GMDS: variants seen among roughly 807,000 people sequenced by gnomAD.
GMDS encodes GDP-mannose 4,6 dehydratase.
GMDS carries 20 observed loss-of-function variants against 49.9 expected under a neutral mutation model. The ratio of observed to expected loss-of-function variants is 0.40; its 90% CI spans 0.28 to 0.58. The LOEUF (loss-of-function observed/expected upper bound fraction) is 0.58. Among genes scored for constraint, GMDS ranks in the 20% least tolerant of loss-of-function variants. The pLI is 0.42. For synonymous variants in GMDS, 177 were observed against 178.6 expected (o/e 0.99, Z 0.07); for missense variants, 362 against 481.4 (o/e 0.75, Z 2.32).
At chr6:2,064,482 T>G (rs141465663) in intron 4 of GMDS, among the ~76,000 whole-genome samples, 1 of 152,302 alleles carries the variant, frequency 6.6e-6, no homozygotes, top group Non-Finnish European at 1.5e-5. Flanking sequence ...TTCCCATTGT[T>G]TTTGTCCCTG....
intron 4 of GMDS, among the ~76,000 whole-genome samples, chr6:2,097,954 C>T (rs1402024483): frequency 6.6e-6 from 1 of 151,708 alleles, no homozygotes; most frequent in African/African-American, 2.4e-5. Context: ...TTTCAAACTA[C>T]CAAAGCATGT....
At chr6:1,677,941 A>G (rs1764677100) in intron 9 of GMDS, among the ~76,000 whole-genome samples, 2 of 152,186 alleles carry the variant, frequency 1.3e-5, no homozygotes, top group Admixed American at 6.5e-5. Flanking sequence ...AACTTAAAGT[A>G]TAATAAAAAA....
intron 6 of GMDS, among the ~76,000 whole-genome samples, chr6:1,940,005 G>A (rs1186280898): frequency 6.6e-6 from 1 of 152,064 alleles, no homozygotes. Context: ...GACACCCTCT[G>A]ATGATGCCGT....
At chr6:1,654,566 T>A (rs1400208831) in intron 9 of GMDS, among the ~76,000 whole-genome samples, 1 of 152,174 alleles carries the variant, frequency 6.6e-6, no homozygotes, top group Non-Finnish European at 1.5e-5. Context: ...GTAGTCAAAT[T>A]CATAAAGATG....
At chr6:2,099,878 G>C (rs1003820930) in intron 4 of GMDS, among the ~76,000 whole-genome samples, 29 of 151,864 alleles carry the variant, frequency 1.9e-4, no homozygotes, top group African/African-American at 7.0e-4. Flanking sequence ...TCATCCTTAG[G>C]TTTTATTAAC....
chr6:2,147,206 G>C (rs540717123), intron 1 of GMDS, among the ~76,000 whole-genome samples: 1 of 152,160 alleles, frequency 6.6e-6, no homozygotes. Flanking sequence ...AAGCTGTTTG[G>C]TTTTGATGAA....
intron 9 of GMDS, among the ~76,000 whole-genome samples, chr6:1,633,777 A>AG (rs1763066633): frequency 6.6e-6 from 1 of 152,162 alleles, no homozygotes; most frequent in Admixed American, 6.5e-5. Context: ...GGAGGGACAC[A>AG]GAGGCAGGCA....
At position 2,024,497 on chromosome 6, in the gene GMDS, C is replaced by A. The variant is rs540119411; in HGVS notation, c.346-63531G>T. Among the ~76,000 whole-genome samples, 134 of 151,702 alleles carry A rather than the reference C, an allele frequency of 8.8e-4. 1 individual carries two copies. The highest frequency in any genetic ancestry group is 1.7e-3 in the Non-Finnish European group (116 of 67,898). The stretch of plus-strand genomic sequence containing the variant: ...ATGAAATTACTGGAAAGCAATAAAT[C>A]GAAACATGGGAAGTAGCAGTTCAGG... On this transcript the variant is annotated intron_variant, in intron 4 of 10. Transcript: ENST00000380815.
chr6:2,109,717 G>A (rs762222579), intron 4 of GMDS, among the ~76,000 whole-genome samples: 1 of 152,162 alleles, frequency 6.6e-6, no homozygotes, highest in Non-Finnish European at 1.5e-5. Context: ...CCTCTCTTCT[G>A]CCCCATGGCA....
intron 7 of GMDS, among the ~76,000 whole-genome samples, chr6:1,880,730 T>C (rs3800116): frequency 0.32 from 48,866 of 151,998 alleles, 7,815 homozygotes; most frequent in Middle Eastern, 0.37. Context: ...TAATTCTAAC[T>C]AACCTCCATT....
At chr6:2,174,103 T>C (rs1778152132) in intron 1 of GMDS, among the ~76,000 whole-genome samples, 1 of 152,194 alleles carries the variant, frequency 6.6e-6, no homozygotes, top group Non-Finnish European at 1.5e-5. Context: ...CATGTGACCT[T>C]GGGCGGTCTC....
intron 9 of GMDS, among the ~76,000 whole-genome samples, chr6:1,695,679 T>C (rs77997740): frequency 0.01 from 1,561 of 152,286 alleles, 37 homozygotes; most frequent in African/African-American, 0.036. Flanking sequence ...CAACAGAAGA[T>C]GTGTGCTTTT....
chr6:2,063,198 T>A (rs1379714525), intron 4 of GMDS, among the ~76,000 whole-genome samples: 1 of 152,190 alleles, frequency 6.6e-6, no homozygotes, highest in Non-Finnish European at 1.5e-5. Context: ...AAAAGATAAA[T>A]CACTACCCCT....
intron 9 of GMDS, among the ~76,000 whole-genome samples, chr6:1,676,423 A>C (rs1176760170): frequency 6.6e-6 from 1 of 152,224 alleles, no homozygotes. Context: ...ATAGAATTGG[A>C]AAAAACTACT....
chr6:1,984,347 C>T (rs566764249), intron 4 of GMDS, among the ~76,000 whole-genome samples: 1 of 152,258 alleles, frequency 6.6e-6, no homozygotes, highest in African/African-American at 2.4e-5. Flanking sequence ...TGTAACAAAC[C>T]TGCACATCCT....
intron 7 of GMDS, among the ~76,000 whole-genome samples, chr6:1,910,492 G>T (rs908675246): frequency 1.3e-5 from 2 of 152,030 alleles, no homozygotes; most frequent in Admixed American, 6.6e-5. Context: ...CGGAAAAAGT[G>T]TTCAAAAGAT....
At chr6:1,758,294 T>G (rs1768027786) in intron 7 of GMDS, among the ~76,000 whole-genome samples, 1 of 152,232 alleles carries the variant, frequency 6.6e-6, no homozygotes, top group East Asian at 1.9e-4. Context: ...TCAGTAGTGA[T>G]TTCATCAGCG....
intron 7 of GMDS, among the ~76,000 whole-genome samples, chr6:1,808,266 T>C (rs900231440): frequency 2.8e-4 from 43 of 152,230 alleles, no homozygotes; most frequent in Middle Eastern, 3.4e-3. Flanking sequence ...AGTTGGAAAA[T>C]TGGGGGCTCT....
chr6:1,953,266 A>C (rs1306813911), intron 6 of GMDS, among the ~76,000 whole-genome samples: 1 of 152,106 alleles, frequency 6.6e-6, no homozygotes, highest in Non-Finnish European at 1.5e-5. Context: ...TTAGTGTAGG[A>C]AATCAAAGCG....
Sources: gnomAD v4.1 joint callset for allele counts (sites outside exome capture counted in the v4.1 genomes callset) on GRCh38, gnomAD v4.1.1 for gene constraint, MANE v1.5 for transcripts, NCBI Gene and HGNC (gene_info 2026-07-23, HGNC 2026-07-21) for gene names.